The following BCKDHB variants were observed in gnomAD, a reference collection of about 807,000 sequenced individuals.
The protein encoded by BCKDHB is 2-oxoisovalerate dehydrogenase subunit beta, mitochondrial.
In BCKDHB, 41 loss-of-function variants were observed where a neutral mutation model predicts 48.5. The ratio of observed to expected loss-of-function variants is 0.85; its 90% CI spans 0.66 to 1.10. The LOEUF (loss-of-function observed/expected upper bound fraction) is 1.10, where lower values mean the gene tolerates loss of function less well. Among genes scored for constraint, BCKDHB ranks in the 50% least tolerant of loss-of-function variants. The pLI, the probability that BCKDHB is intolerant of heterozygous loss-of-function variation, is 0.00. For synonymous variants in BCKDHB, 201 were observed against 174.8 expected (o/e 1.15, Z -1.18); for missense variants, 496 against 494.2 (o/e 1.00, Z -0.03).
chr6:80,249,422 T>TA (rs200152039), intron 8 of BCKDHB, among the ~76,000 whole-genome samples: 53 of 149,296 alleles, frequency 3.5e-4, no homozygotes, highest in African/African-American at 1.1e-3. Flanking sequence ...ATTTTACCAT[T>TA]AAAAAAAAAA....
intron 9 of BCKDHB, among the ~76,000 whole-genome samples, chr6:80,285,799 GAGGTTTGATGT>G (rs1229122617): frequency 1.3e-5 from 2 of 152,138 alleles, no homozygotes; most frequent in Non-Finnish European, 2.9e-5. Context: ...GTAAGGGAAT[GAGGTTTGATGT>G]AGGCAAATCT....
At chr6:80,128,999 C>A (rs540457216) in intron 2 of BCKDHB, among the ~76,000 whole-genome samples, 162 bp from the exon 3 acceptor site, 1 of 151,842 alleles carries the variant, frequency 6.6e-6, no homozygotes, top group African/African-American at 2.4e-5. Context: ...ATCATCTAGT[C>A]TAAAATGTCA....
the BCKDHB span, among the ~76,000 whole-genome samples, chr6:80,379,190 A>G: frequency 6.6e-6 from 1 of 152,098 alleles, no homozygotes; most frequent in Non-Finnish European, 1.5e-5. Flanking sequence ...AATATCCTCA[A>G]CAAAATATTA....
intron 3 of BCKDHB, among the ~76,000 whole-genome samples, chr6:80,130,326 A>G (rs1377955947): frequency 6.6e-6 from 1 of 152,138 alleles, no homozygotes; most frequent in Non-Finnish European, 1.5e-5. Context: ...GTGTATTCAT[A>G]CGGGGCAAGA....
chr6:80,371,813 A>T, the BCKDHB span, among the ~76,000 whole-genome samples: 1 of 151,622 alleles, frequency 6.6e-6, no homozygotes, highest in Admixed American at 6.6e-5. Flanking sequence ...TGGATTTCTA[A>T]TTCTTTATTC....
the BCKDHB span, among the ~76,000 whole-genome samples, chr6:80,354,663 TA>T: frequency 1.3e-5 from 2 of 152,244 alleles, no homozygotes; most frequent in African/African-American, 4.8e-5. Flanking sequence ...ATTACGTTTT[TA>T]ATTCATCTTG....
intron 3 of BCKDHB, among the ~76,000 whole-genome samples, chr6:80,165,560 A>G (rs937148872): frequency 2.0e-5 from 3 of 152,180 alleles, no homozygotes; most frequent in African/African-American, 7.2e-5. Flanking sequence ...GTTTCTCCCA[A>G]AACATTTGGT....
intron 8 of BCKDHB, among the ~76,000 whole-genome samples, chr6:80,255,634 A>G (rs1777017917): frequency 6.6e-6 from 1 of 152,190 alleles, no homozygotes. Flanking sequence ...TAGGGATCAT[A>G]CAACCAGAAG....
intron 8 of BCKDHB, among the ~76,000 whole-genome samples, chr6:80,204,825 T>C (rs770156150): frequency 2.0e-5 from 3 of 152,090 alleles, no homozygotes; most frequent in Non-Finnish European, 2.9e-5. Context: ...TTTACATCGA[T>C]AGCAGTTTGC....
intron 9 of BCKDHB, among the ~76,000 whole-genome samples, chr6:80,335,652 G>A (rs545047824): frequency 1.3e-5 from 2 of 152,130 alleles, no homozygotes; most frequent in Admixed American, 1.3e-4. Context: ...AACTTTTAAA[G>A]CCTCAAACAT....
At chr6:80,441,642 T>A in the BCKDHB span, among the ~76,000 whole-genome samples, 1 of 152,212 alleles carries the variant, frequency 6.6e-6, no homozygotes, top group Admixed American at 6.5e-5. Context: ...TCCTCAGTGC[T>A]TTTTTGCAGT....
At chr6:80,273,045 A>G in intron 8 of BCKDHB, 90 bp from the exon 9 acceptor site, 5 of 953,236 alleles carry the variant, frequency 5.2e-6, no homozygotes, top group Admixed American at 2.0e-5. Flanking sequence ...TTGAATGTAT[A>G]TAATTTACTT....
intron 8 of BCKDHB, among the ~76,000 whole-genome samples, chr6:80,239,125 A>G (rs887624823): frequency 6.6e-6 from 1 of 152,178 alleles, no homozygotes; most frequent in Non-Finnish European, 1.5e-5. Flanking sequence ...CAGTAATGAG[A>G]TCGCTAGGTC....
chr6:80,425,920 T>C, the BCKDHB span, among the ~76,000 whole-genome samples: 2 of 152,156 alleles, frequency 1.3e-5, no homozygotes, highest in African/African-American at 4.8e-5. Context: ...GTGTCTAAGA[T>C]AAAAAACCAA....
At chr6:80,373,493 C>T in the BCKDHB span, among the ~76,000 whole-genome samples, 1 of 151,644 alleles carries the variant, frequency 6.6e-6, no homozygotes, top group Admixed American at 6.6e-5. Context: ...TTTACTTTTG[C>T]TGGGTTTGGT....
At chr6:80,265,780 A>C (rs1454383765) in intron 8 of BCKDHB, among the ~76,000 whole-genome samples, 1 of 152,140 alleles carries the variant, frequency 6.6e-6, no homozygotes, top group Non-Finnish European at 1.5e-5. Flanking sequence ...AATAGGTATT[A>C]ACACCATGGT....
At chr6:80,276,390 T>C (rs1051489136) in intron 9 of BCKDHB, among the ~76,000 whole-genome samples, 3 of 151,930 alleles carry the variant, frequency 2.0e-5, no homozygotes, top group Non-Finnish European at 2.9e-5. Context: ...ATAAAAAATA[T>C]TGAAGAGAAT....
chr6:80,206,921 C>T (rs1167814771), intron 8 of BCKDHB, among the ~76,000 whole-genome samples: 1 of 152,010 alleles, frequency 6.6e-6, no homozygotes, highest in African/African-American at 2.4e-5. Flanking sequence ...AAAACCACAC[C>T]TGTATGCACA....
intron 3 of BCKDHB, among the ~76,000 whole-genome samples, chr6:80,154,680 G>A (rs1404745939): frequency 1.3e-5 from 2 of 151,966 alleles, no homozygotes; most frequent in Non-Finnish European, 2.9e-5. Context: ...CTTTTATAAT[G>A]TATTAAAAAG....
Sources: gnomAD v4.1 joint callset for allele counts (sites outside exome capture counted in the v4.1 genomes callset) on GRCh38, gnomAD v4.1.1 for gene constraint, MANE v1.5 for transcripts, NCBI Gene and HGNC (gene_info 2026-07-23, HGNC 2026-07-21) for gene names.